The following LYPD6B variants were observed in gnomAD, a reference collection of about 807,000 sequenced individuals.
The protein encoded by LYPD6B is ly6/PLAUR domain-containing protein 6B.
In LYPD6B, 17 loss-of-function variants were observed where a neutral mutation model predicts 22.8. The ratio of observed to expected loss-of-function variants is 0.75; its 90% CI spans 0.51 to 1.12. LYPD6B has a LOEUF of 1.12. LYPD6B is among the 50% of genes most tolerant of loss of function. The probability of loss-of-function intolerance (pLI) is 0.00; values close to 1 mark genes in which losing one functional copy is unlikely to be tolerated. For synonymous variants in LYPD6B, 106 were observed against 91.6 expected (o/e 1.16, Z -0.90); for missense variants, 221 against 258.3 (o/e 0.86, Z 0.99).
intron 3 of LYPD6B, among the ~76,000 whole-genome samples, chr2:149,201,687 C>T (rs1019265612): frequency 7.9e-5 from 12 of 152,184 alleles, no homozygotes; most frequent in Non-Finnish European, 1.6e-4. Flanking sequence ...AAATAGAAGA[C>T]ATTTTTATTT....
At chr2:149,204,185 A>C (rs748660971) in intron 3 of LYPD6B, among the ~76,000 whole-genome samples, 4 of 152,184 alleles carry the variant, frequency 2.6e-5, no homozygotes, top group Non-Finnish European at 4.4e-5. Flanking sequence ...CATTTACCTA[A>C]ATATGTGGGC....
Position 149,107,565 on chromosome 2 carries a change from A to T in LYPD6B, c.-66-23318A>T, listed in dbSNP as rs191390006. ...AATATCCCACAAACTCTGATATGACATGTTTTGATTTCTATTTAATTCAGA... is the reference window on the plus strand; with the variant it reads ...AATATCCCACAAACTCTGATATGACTTGTTTTGATTTCTATTTAATTCAGA... On this transcript the variant is annotated intron_variant, in intron 1 of 6. Coordinates refer to ENST00000409642, the MANE Select transcript of LYPD6B (RefSeq NM_177964.5). 2.4e-3 allele frequency among the ~76,000 whole-genome samples: 368 copies of T among 152,306 alleles called. 1 individual carries two copies. Among genetic ancestry groups the T allele is most frequent in the African/African-American group, 8.5e-3 (353 of 41,572 alleles).
chr2:149,045,758 C>T (rs911546078), intron 1 of LYPD6B, among the ~76,000 whole-genome samples: 3 of 151,878 alleles, frequency 2.0e-5, no homozygotes, highest in Non-Finnish European at 4.4e-5. Flanking sequence ...TAGAATATGA[C>T]TTGCATGATT....
At chr2:149,093,009 A>G (rs983104292) in intron 1 of LYPD6B, among the ~76,000 whole-genome samples, 3 of 152,192 alleles carry the variant, frequency 2.0e-5, no homozygotes, top group Non-Finnish European at 2.9e-5. Flanking sequence ...AATATCTCTA[A>G]CAGGCAGTCA....
At chr2:149,149,321 T>G (rs1338265013) in intron 2 of LYPD6B, among the ~76,000 whole-genome samples, 5 of 152,146 alleles carry the variant, frequency 3.3e-5, no homozygotes, top group African/African-American at 9.7e-5. Context: ...TCTTGAAAGA[T>G]TTCCAAGAGT....
intron 2 of LYPD6B, among the ~76,000 whole-genome samples, chr2:149,142,524 G>C (rs57505914): frequency 3.2e-3 from 483 of 152,312 alleles, no homozygotes; most frequent in African/African-American, 0.011. Context: ...TGCCAGCCAA[G>C]TATTAAATTA....
intron 4 of LYPD6B, among the ~76,000 whole-genome samples, chr2:149,207,214 A>C (rs1293089850): frequency 6.6e-6 from 1 of 152,140 alleles, no homozygotes; most frequent in Non-Finnish European, 1.5e-5. Context: ...ATATATTCTC[A>C]GTATTTAACT....
intron 3 of LYPD6B, among the ~76,000 whole-genome samples, chr2:149,168,722 A>G (rs898569008): frequency 1.3e-5 from 2 of 152,240 alleles, no homozygotes; most frequent in Non-Finnish European, 2.9e-5. Flanking sequence ...GCCACCAGAT[A>G]GACAATGAAT....
chr2:149,060,841 G>T (rs537595343), intron 1 of LYPD6B, among the ~76,000 whole-genome samples: 1 of 152,174 alleles, frequency 6.6e-6, no homozygotes, highest in South Asian at 2.1e-4. Flanking sequence ...GGCACAGGCT[G>T]CATTTAATGT....
At chr2:149,054,465 A>G (rs572923284) in intron 1 of LYPD6B, among the ~76,000 whole-genome samples, 1 of 152,292 alleles carries the variant, frequency 6.6e-6, no homozygotes, top group Admixed American at 6.5e-5. Flanking sequence ...TAGAGTTATT[A>G]TCTTGTTTTT....
rs112058107 is a variant in LYPD6B at position 149,175,968 on chromosome 2, A to G, written c.77+15133A>G. 3.3e-3 allele frequency among the ~76,000 whole-genome samples: 508 copies of G among 152,302 alleles called. 4 individuals are homozygous for G. Among genetic ancestry groups the G allele is most frequent in the African/African-American group, 0.012 (490 of 41,568 alleles). ...CTGTATACAGTTCACTTTTTAAAAC[A>G]AATAAATAAAAGTATACTCTAAAAT... On this transcript the variant is annotated intron_variant, in intron 3 of 6. Coordinates refer to ENST00000409642, the MANE Select transcript of LYPD6B (RefSeq NM_177964.5).
Position 149,130,866 on chromosome 2 carries a change from C to T in LYPD6B, c.-66-17C>T. On this transcript the variant is annotated splice_polypyrimidine_tract_variant and intron_variant, in intron 1 of 6. Transcript: ENST00000409642. The stretch of plus-strand genomic sequence containing the variant: ...AATATCAGTCATAATGATACCTTTT[C>T]ATGTTCATTTGTTTAGATATGCCAC... The T allele has an allele frequency of 1.0e-6, 1 of 1,004,098 alleles. No homozygotes were observed. The highest frequency in any genetic ancestry group is 1.6e-6 in the Non-Finnish European group (1 of 630,942). The allele number at this position is 1,004,098 out of a possible 1,614,324, so 62.2% of individuals were successfully genotyped here. A position where few individuals can be genotyped will look rare whatever the true frequency, so the allele number is the denominator to read the frequency against.
In LYPD6B at chr2:149,213,328, A is replaced by G. The variant is rs192287347; in HGVS notation, c.459+206A>G. 7.0e-6 allele frequency among the ~76,000 whole-genome samples: 1 copy of G among 142,752 alleles called. No homozygotes were observed. Among genetic ancestry groups the G allele is most frequent in the Non-Finnish European group, 1.6e-5 (1 of 62,004 alleles). 93.7% of individuals were successfully genotyped at this position (142,752 alleles called of 152,430 possible). On this transcript the variant is annotated intron_variant, in intron 6 of 6. Coordinates refer to ENST00000409642, the MANE Select transcript of LYPD6B (RefSeq NM_177964.5). Reference sequence around the variant, plus strand: ...CAAAGAACAGAGACTCCATACAAAGATAAAATGGAGACCAAAGAACAGACT... The same window carrying G: ...CAAAGAACAGAGACTCCATACAAAGGTAAAATGGAGACCAAAGAACAGACT...
At chr2:149,194,877 G>A (rs912473528) in intron 3 of LYPD6B, among the ~76,000 whole-genome samples, 1 of 152,182 alleles carries the variant, frequency 6.6e-6, no homozygotes, top group African/African-American at 2.4e-5. Flanking sequence ...GATAGCTTGG[G>A]AAGGTGGTGT....
intron 1 of LYPD6B, among the ~76,000 whole-genome samples, chr2:149,099,739 C>A (rs1341247320): frequency 6.6e-6 from 1 of 152,084 alleles, no homozygotes; most frequent in Non-Finnish European, 1.5e-5. Flanking sequence ...AGTTTTAAAC[C>A]CAGAGAGACC....
intron 2 of LYPD6B, among the ~76,000 whole-genome samples, chr2:149,148,362 AAG>A (rs1333851889): frequency 2.6e-5 from 4 of 152,204 alleles, no homozygotes; most frequent in Non-Finnish European, 5.9e-5. Flanking sequence ...AGTGACTGAC[AAG>A]AGATTAAAGG....
At chr2:149,142,869 C>T (rs1688778674) in intron 2 of LYPD6B, among the ~76,000 whole-genome samples, 1 of 152,044 alleles carries the variant, frequency 6.6e-6, no homozygotes, top group African/African-American at 2.4e-5. Context: ...TTACAAGCTA[C>T]GTATCTTAAT....
At chr2:149,083,764 G>A (rs1685246901) in intron 1 of LYPD6B, among the ~76,000 whole-genome samples, 2 of 152,132 alleles carry the variant, frequency 1.3e-5, no homozygotes, top group Non-Finnish European at 2.9e-5. Context: ...CTGATGACTA[G>A]TGGATCTTTC....
At chr2:149,119,050 C>CAGAGA (rs1468188085) in intron 1 of LYPD6B, 1 of 152,172 alleles carries the variant, frequency 6.6e-6, no homozygotes, top group Non-Finnish European at 1.5e-5. Context: ...TTATTCAGCT[C>CAGAGA]AGAGAAGTAA....
Sources: allele counts gnomAD v4.1 joint callset (sites outside exome capture counted in the v4.1 genomes callset), GRCh38; gene constraint gnomAD v4.1.1; transcripts MANE v1.5; gene names NCBI Gene and HGNC (gene_info 2026-07-23, HGNC 2026-07-21).